The following ULK4 variants were observed in gnomAD, a reference collection of about 807,000 sequenced individuals.
The protein encoded by ULK4 is inactive serine/threonine-protein kinase ULK4.
Under a neutral mutation model 160.6 loss-of-function variants are expected in ULK4, and 133 were observed. The observed-to-expected ratio is 0.83, with a 90% CI of 0.72 to 0.96. The LOEUF (loss-of-function observed/expected upper bound fraction) is 0.96, where lower values mean the gene tolerates loss of function less well. Among genes scored for constraint, ULK4 ranks in the 40% least tolerant of loss-of-function variants. The pLI, the probability that ULK4 is intolerant of heterozygous loss-of-function variation, is 0.00. For missense variants in ULK4, 1,580 were observed against 1,499.5 expected (o/e 1.05, Z -0.89); for synonymous variants, 534 against 539.8 (o/e 0.99, Z 0.15).
intron 22 of ULK4, among the ~76,000 whole-genome samples, chr3:41,742,150 C>G (rs1263002002): frequency 7.3e-6 from 1 of 136,736 alleles, no homozygotes; most frequent in African/African-American, 3.7e-5. Context: ...TTATCTTCTA[C>G]CTTAACCCAC....
At chr3:41,823,877 C>G (rs549191529) in intron 18 of ULK4, among the ~76,000 whole-genome samples, 33 of 151,948 alleles carry the variant, frequency 2.2e-4, no homozygotes, top group Admixed American at 7.9e-4. Flanking sequence ...AAGTATATAC[C>G]AAGGGCTGGG....
intron 34 of ULK4, among the ~76,000 whole-genome samples, chr3:41,448,407 T>G (rs1000727013): frequency 6.6e-6 from 1 of 151,684 alleles, no homozygotes; most frequent in Non-Finnish European, 1.5e-5. Flanking sequence ...CTGAAAAGAG[T>G]TGGTGCACAG....
chr3:41,912,908 A>T lies in ULK4; in HGVS notation c.804-9T>A. ...GCCTTGTCCAAGTCAATCTTTAAAA[A>T]ACATAAATGTTAAAACTCTACTTTA... On this transcript the variant is annotated splice_polypyrimidine_tract_variant and intron_variant, in intron 8 of 36. Transcript: ENST00000301831. 1 of 1,613,666 alleles carries T rather than the reference A, an allele frequency of 6.2e-7. No homozygotes were observed. Among genetic ancestry groups the T allele is most frequent in the South Asian group, 1.1e-5 (1 of 91,006 alleles).
intron 35 of ULK4, among the ~76,000 whole-genome samples, chr3:41,289,488 T>C (rs553291689): frequency 6.6e-6 from 1 of 152,298 alleles, no homozygotes; most frequent in South Asian, 2.1e-4. Flanking sequence ...ATCCACAAAA[T>C]ACAAGGTGGA....
chr3:41,470,350 T>A (rs2083957205), intron 32 of ULK4, among the ~76,000 whole-genome samples: 1 of 152,138 alleles, frequency 6.6e-6, no homozygotes, highest in Non-Finnish European at 1.5e-5. Flanking sequence ...GAAAAAATGC[T>A]GCCAAACAAG....
intron 35 of ULK4, among the ~76,000 whole-genome samples, chr3:41,361,721 G>A (rs1575468333): frequency 6.6e-6 from 1 of 152,044 alleles, no homozygotes; most frequent in Non-Finnish European, 1.5e-5. Flanking sequence ...TTTTGCATGA[G>A]TATGAAATAT....
intron 33 of ULK4, among the ~76,000 whole-genome samples, chr3:41,460,069 A>G (rs751247051): frequency 7.9e-5 from 12 of 152,216 alleles, no homozygotes; most frequent in Non-Finnish European, 1.8e-4. Flanking sequence ...TTGGATAATT[A>G]TAAGAGATGC....
intron 30 of ULK4, among the ~76,000 whole-genome samples, chr3:41,635,656 C>T (rs2033924480): frequency 6.6e-6 from 1 of 152,170 alleles, no homozygotes; most frequent in Non-Finnish European, 1.5e-5. Context: ...TGTGCTTGGA[C>T]ATCCATGCTT....
intron 35 of ULK4, among the ~76,000 whole-genome samples, chr3:41,320,660 T>TA (rs201549243): frequency 0.041 from 4,615 of 111,438 alleles, 160 homozygotes; most frequent in Middle Eastern, 0.058. Context: ...CTCATGCCTG[T>TA]AATCCCAGCA....
chr3:41,520,561 T>C (rs2085899098), intron 32 of ULK4, among the ~76,000 whole-genome samples: 1 of 152,206 alleles, frequency 6.6e-6, no homozygotes, highest in Non-Finnish European at 1.5e-5. Flanking sequence ...CTGTTTTTAA[T>C]TCTTTGGGGA....
intron 16 of ULK4, among the ~76,000 whole-genome samples, chr3:41,886,638 C>A (rs562872051): frequency 1.3e-5 from 2 of 151,170 alleles, no homozygotes; most frequent in Non-Finnish European, 2.9e-5. Context: ...GTGAGTGGCA[C>A]AATCTCAGCT....
chr3:41,723,284 C>T lies in ULK4; in HGVS notation c.2322-5423G>A, dbSNP rs1215962593. Reference sequence around the variant, plus strand: ...CTGAAATGCCTGTTCAGGTCTTTTGCTCATTCTCCCATTGGGTTGTTGATC... The same window carrying T: ...CTGAAATGCCTGTTCAGGTCTTTTGTTCATTCTCCCATTGGGTTGTTGATC... On this transcript the variant is annotated intron_variant, in intron 22 of 36. Coordinates refer to ENST00000301831, the MANE Select transcript of ULK4 (RefSeq NM_017886.4). Among the ~76,000 whole-genome samples the T allele has an allele frequency of 2.6e-5, 4 of 152,010 alleles. No individual in the cohort carries two copies. The East Asian group carries it at 5.8e-4, about 22-fold the overall frequency.
At chr3:41,619,983 A>G (rs1482236304) in intron 30 of ULK4, among the ~76,000 whole-genome samples, 2 of 152,104 alleles carry the variant, frequency 1.3e-5, no homozygotes, top group Non-Finnish European at 2.9e-5. Context: ...TACTACAAAA[A>G]CCTCTATGCA....
At chr3:41,331,428 T>G (rs2080440982) in intron 35 of ULK4, among the ~76,000 whole-genome samples, 2 of 152,246 alleles carry the variant, frequency 1.3e-5, no homozygotes, top group Non-Finnish European at 2.9e-5. Context: ...AAAACCTGAC[T>G]GTTTAATATT....
At chr3:41,661,495 AGATAGATAGATAGAT>A (rs1445935438) in intron 30 of ULK4, among the ~76,000 whole-genome samples, 25 of 135,120 alleles carry the variant, frequency 1.9e-4, no homozygotes, top group African/African-American at 8.9e-4. Flanking sequence ...GCAGATAGAC[AGATAGATAGATAGAT>A]GATAGATAGA....
At chr3:41,570,612 T>C (rs946164756) in intron 31 of ULK4, among the ~76,000 whole-genome samples, 4 of 152,230 alleles carry the variant, frequency 2.6e-5, no homozygotes, top group Non-Finnish European at 4.4e-5. Context: ...AATAAATCTA[T>C]TGTTTCTTTG....
chr3:41,315,912 C>G (rs777742643), intron 35 of ULK4, among the ~76,000 whole-genome samples: 20 of 152,062 alleles, frequency 1.3e-4, no homozygotes, highest in Admixed American at 1.3e-4. Flanking sequence ...ATAAAGAGGT[C>G]GAGAAATCAG....
At chr3:41,738,781 C>T (rs2038139285) in intron 22 of ULK4, among the ~76,000 whole-genome samples, 1 of 151,956 alleles carries the variant, frequency 6.6e-6, no homozygotes, top group Non-Finnish European at 1.5e-5. Context: ...AGAGGTAAAA[C>T]ATACCACCTT....
At chr3:41,792,414 T>TA (rs1364741484) in intron 20 of ULK4, among the ~76,000 whole-genome samples, 10 of 151,788 alleles carry the variant, frequency 6.6e-5, no homozygotes, top group East Asian at 2.0e-4. Flanking sequence ...GTATTTTTTT[T>TA]AAAAAAAAGA....
Sources: allele counts gnomAD v4.1 joint callset (sites outside exome capture counted in the v4.1 genomes callset), GRCh38; gene constraint gnomAD v4.1.1; transcripts MANE v1.5; gene names NCBI Gene and HGNC (gene_info 2026-07-23, HGNC 2026-07-21).